The following RFX4 variants were observed in gnomAD, a reference collection of about 807,000 sequenced individuals.
The protein encoded by RFX4 is regulatory factor X4.
Under a neutral mutation model 95.0 loss-of-function variants are expected in RFX4, and 10 were observed. The observed-to-expected ratio is 0.11, with a 90% confidence interval of 0.06 to 0.18. The LOEUF is 0.18. Ranked by LOEUF, RFX4 falls within the 10% of genes least tolerant of loss-of-function variation. RFX4 has a pLI of 1.00. For synonymous variants in RFX4, 321 were observed against 340.7 expected, an observed-to-expected ratio of 0.94 and a Z score of 0.64; for missense variants, 640 against 922.0, an observed-to-expected ratio of 0.69 and a Z score of 3.96.
At chr12:106,694,158 C>G (rs761311798) in intron 7 of RFX4, among the ~76,000 whole-genome samples, 1 of 152,168 alleles carries the variant, frequency 6.6e-6, no homozygotes, top group African/African-American at 2.4e-5. Context: ...GAAGTCTTTT[C>G]GATTTACAGA....
intron 2 of RFX4, among the ~76,000 whole-genome samples, chr12:106,612,361 T>C (rs1368589950): frequency 6.6e-6 from 1 of 152,254 alleles, no homozygotes; most frequent in Non-Finnish European, 1.5e-5. Flanking sequence ...TTTATTCTTT[T>C]TGATGCTATT....
rs143424652 is a variant in RFX4, at chr12:106,741,771, G to C, written c.1634-5666G>C. On this transcript the variant is annotated intron_variant, in intron 15 of 17. Transcript: ENST00000392842. Reference sequence around the variant, plus strand: ...CTTTATGGCACCAGGGACCGGTTTTGTGGAAGACAATTTTTCTATAGACTG... The same window carrying C: ...CTTTATGGCACCAGGGACCGGTTTTCTGGAAGACAATTTTTCTATAGACTG... Among the ~76,000 whole-genome samples the C allele has an allele frequency of 1.6e-4, 25 of 152,262 alleles. 1 individual carries two copies. The East Asian group carries it at 4.8e-3, about 29-fold the overall frequency.
intron 8 of RFX4, among the ~76,000 whole-genome samples, chr12:106,703,047 T>A (rs531953417): frequency 6.6e-6 from 1 of 152,338 alleles, no homozygotes; most frequent in African/African-American, 2.4e-5. Flanking sequence ...GTAGTTCATA[T>A]TGGCCCATTA....
At chr12:106,591,830 A>C (rs1025652829) in intron 1 of RFX4, among the ~76,000 whole-genome samples, 3 of 152,240 alleles carry the variant, frequency 2.0e-5, no homozygotes, top group African/African-American at 7.2e-5. Flanking sequence ...AATATATTGC[A>C]TCTAGAAGTC....
intron 1 of RFX4, among the ~76,000 whole-genome samples, chr12:106,599,306 A>G (rs140341719): frequency 6.6e-6 from 1 of 151,834 alleles, no homozygotes; most frequent in East Asian, 1.9e-4. Flanking sequence ...TTGAGCACCT[A>G]TTGTACAATT....
At chr12:106,724,904 C>T (rs1057513857) in intron 13 of RFX4, among the ~76,000 whole-genome samples, 3 of 150,860 alleles carry the variant, frequency 2.0e-5, no homozygotes, top group African/African-American at 7.3e-5. Flanking sequence ...CTTAGCTACT[C>T]GGGAGGCTGA....
In RFX4 at chr12:106,640,696, C is replaced by T. The variant is rs116060141; in HGVS notation, c.191+1304C>T. Reference sequence around the variant, plus strand: ...TAAGTATTATGGCCATGCAAGTTCCCATAGTGCCAAGACATCGAATGAGGC... The same window carrying T: ...TAAGTATTATGGCCATGCAAGTTCCTATAGTGCCAAGACATCGAATGAGGC... On this transcript the variant is annotated intron_variant, in intron 3 of 17. Transcript: ENST00000392842. Among the ~76,000 whole-genome samples, 210 of 152,032 alleles carry T rather than the reference C, an allele frequency of 1.4e-3. 1 individual carries two copies. The highest frequency in any genetic ancestry group is 5.0e-3 in the African/African-American group (206 of 41,438).
intron 1 of RFX4, among the ~76,000 whole-genome samples, chr12:106,585,268 T>A (rs1411826016): frequency 6.6e-6 from 1 of 152,148 alleles, no homozygotes; most frequent in African/African-American, 2.4e-5. Context: ...TGTGGATTCG[T>A]GGCGTTTTCT....
At chr12:106,693,040 A>T in intron 7 of RFX4, 1 of 379,184 alleles carries the variant, frequency 2.6e-6, no homozygotes, top group Non-Finnish European at 5.3e-6. Context: ...ACAAACTTTG[A>T]TTCTCTCCTT....
In RFX4 at chr12:106,732,995, C is replaced by A. The variant is rs1468113697; in HGVS notation, c.1543C>A (p.Pro515Thr). ...PTPSPVPSFS[P>T]AKSATSVEVP... is the part of the protein sequence containing the mutation. ...CCCTTCACCAGTGCCATCGTTTTCT[C>A]CAGCAAAATCTGCCACATCTGTGGA... is the stretch of plus-strand genomic sequence containing the variant. The change falls in exon 15 of 18, where the codon CCA becomes ACA. Residue 515 changes from proline to threonine, a missense_variant. This residue lies in a region of RFX4 where 300 missense variants were observed against 346.8 expected (regional missense o/e 0.87). Transcript: ENST00000392842. The A allele has an allele frequency of 6.2e-6, 10 of 1,614,064 alleles. No homozygotes were observed. In the Admixed American group the frequency reaches 1.7e-4, roughly 27 times the overall value.
chr12:106,681,908 C>G, intron 4 of RFX4, 85 bp from the exon 5 acceptor site: 7 of 1,430,008 alleles, frequency 4.9e-6, no homozygotes, highest in Non-Finnish European at 6.9e-6. Context: ...GTTTTCCTCC[C>G]TTCTGTAGAT....
intron 8 of RFX4, among the ~76,000 whole-genome samples, chr12:106,704,449 A>G (rs1476456426): frequency 1.8e-4 from 28 of 152,224 alleles, no homozygotes; most frequent in Non-Finnish European, 1.5e-4. Context: ...TTTCAGTTTT[A>G]TATATTCATC....
intron 17 of RFX4, among the ~76,000 whole-genome samples, chr12:106,754,061 G>A (rs1467076248): frequency 6.6e-6 from 1 of 152,178 alleles, no homozygotes; most frequent in African/African-American, 2.4e-5. Context: ...CTCTGAGGGA[G>A]GACACCAAGG....
intron 15 of RFX4, among the ~76,000 whole-genome samples, chr12:106,734,321 C>T (rs781698633): frequency 2.4e-4 from 36 of 152,066 alleles, no homozygotes; most frequent in South Asian, 4.1e-4. Flanking sequence ...TTATACTGGG[C>T]GTGGTGGCTC....
At chr12:106,616,935 ATT>A (rs150965941) in intron 2 of RFX4, among the ~76,000 whole-genome samples, 4 of 141,708 alleles carry the variant, frequency 2.8e-5, no homozygotes, top group Admixed American at 7.1e-5. Flanking sequence ...TAATTTTTGT[ATT>A]TTTTTTTTTT....
At chr12:106,709,656 T>C (rs866897877) in intron 9 of RFX4, among the ~76,000 whole-genome samples, 10 of 151,420 alleles carry the variant, frequency 6.6e-5, no homozygotes, top group South Asian at 4.2e-4. Flanking sequence ...CTTAGAGAGG[T>C]AGTAAGTAGC....
intron 17 of RFX4, among the ~76,000 whole-genome samples, chr12:106,758,099 G>A (rs532994274): frequency 6.6e-6 from 1 of 152,332 alleles, no homozygotes; most frequent in South Asian, 2.1e-4. Flanking sequence ...CCTTATTCCA[G>A]ACAGAGATCT....
chr12:106,588,643 T>G (rs2039496507), intron 1 of RFX4, among the ~76,000 whole-genome samples: 1 of 152,036 alleles, frequency 6.6e-6, no homozygotes, highest in Non-Finnish European at 1.5e-5. Context: ...CTCTATTGAG[T>G]TGGTGCAAAA....
Position 106,676,128 on chromosome 12 carries a change from G to A in RFX4, c.316-5865G>A, listed in dbSNP as rs73391344. Among the ~76,000 whole-genome samples, 785 of 152,248 alleles carry A rather than the reference G, an allele frequency of 5.2e-3. 7 individuals are homozygous for A. Among genetic ancestry groups the A allele is most frequent in the African/African-American group, 0.017 (721 of 41,530 alleles). ...TAGAACTTGGTCACAGGTTGGAAGTGGCACATACAAGGCAATCATGGTTTG... is the reference window on the plus strand; with the variant it reads ...TAGAACTTGGTCACAGGTTGGAAGTAGCACATACAAGGCAATCATGGTTTG... On this transcript the variant is annotated intron_variant, in intron 4 of 17. Transcript: ENST00000392842.
Sources: gnomAD v4.1 joint callset for allele counts (sites outside exome capture counted in the v4.1 genomes callset) on GRCh38, gnomAD v4.1.1 for gene constraint, gnomAD v4.1.1 regional missense constraint, MANE v1.5 for transcripts, NCBI Gene and HGNC (gene_info 2026-07-23, HGNC 2026-07-21) for gene names.